Variants in TCF12 observed in about 807,000 individuals in gnomAD.
TCF12 encodes DNA-binding protein HTF4.
In TCF12, 45 loss-of-function variants were observed where a neutral mutation model predicts 86.0. The ratio of observed to expected loss-of-function variants is 0.52; its 90% CI spans 0.41 to 0.67. TCF12 has a LOEUF of 0.67. Among genes scored for constraint, TCF12 ranks in the 30% least tolerant of loss-of-function variants. TCF12 has a pLI of 0.00. For synonymous variants in TCF12, 330 were observed against 299.6 expected, an observed-to-expected ratio of 1.10 and a Z score of -1.05; for missense variants, 881 against 859.9, an observed-to-expected ratio of 1.02 and a Z score of -0.31.
chr15:57,247,326 CAG>C, intron 13 of TCF12: 1 of 655,240 alleles, frequency 1.5e-6, no homozygotes, highest in South Asian at 1.6e-5. Context: ...CCTCTTCCAT[CAG>C]AGTTTCCACC....
At chr15:57,266,976 C>T (rs1175736534) in intron 18 of TCF12, among the ~76,000 whole-genome samples, 1 of 152,168 alleles carries the variant, frequency 6.6e-6, no homozygotes, top group African/African-American at 2.4e-5. Context: ...CTATAGTGAG[C>T]CATGATCATG....
chr15:57,180,366 A>G (rs2056249620), intron 6 of TCF12, among the ~76,000 whole-genome samples: 1 of 152,184 alleles, frequency 6.6e-6, no homozygotes, highest in South Asian at 2.1e-4. Context: ...TAGAACAACA[A>G]CTGCAAATAT....
chr15:57,271,585 G>A (rs767863205), intron 18 of TCF12, among the ~76,000 whole-genome samples: 3 of 152,080 alleles, frequency 2.0e-5, no homozygotes, highest in Non-Finnish European at 2.9e-5. Flanking sequence ...CTCACCCTCC[G>A]TGGGCTGCAC....
chr15:57,192,042 G>A (rs2057007547), intron 6 of TCF12, 116 bp from the exon 7 acceptor site: 1 of 1,150,340 alleles, frequency 8.7e-7, no homozygotes, highest in Non-Finnish European at 1.2e-6. Context: ...TACTTAATGG[G>A]TGCGTTCTAA....
intron 3 of TCF12, among the ~76,000 whole-genome samples, chr15:57,022,575 T>C (rs1451811963): frequency 6.6e-6 from 1 of 152,238 alleles, no homozygotes; most frequent in African/African-American, 2.4e-5. Context: ...CCTTTGGGTA[T>C]ATACCCAGTA....
At chr15:57,231,685 A>T (rs1037956) in intron 9 of TCF12, among the ~76,000 whole-genome samples, 59,696 of 152,004 alleles carry the variant, frequency 0.39, 14,610 homozygotes, top group Non-Finnish European at 0.54. Context: ...CATTTCCTTT[A>T]ATTCATGTCT....
intron 5 of TCF12, among the ~76,000 whole-genome samples, chr15:57,112,459 C>G (rs1257031391): frequency 6.6e-6 from 1 of 152,084 alleles, no homozygotes; most frequent in Non-Finnish European, 1.5e-5. Flanking sequence ...TGTGCCTGGC[C>G]CAGCTGCAAC....
chr15:57,261,265 A>G (rs887268196), intron 16 of TCF12, among the ~76,000 whole-genome samples: 1 of 152,190 alleles, frequency 6.6e-6, no homozygotes, highest in Non-Finnish European at 1.5e-5. Context: ...CAAACATTTC[A>G]TGGAAAGTGT....
intron 3 of TCF12, among the ~76,000 whole-genome samples, chr15:57,059,795 C>T (rs1396962626): frequency 9.5e-6 from 1 of 105,184 alleles, no homozygotes; most frequent in Admixed American, 1.0e-4. Context: ...AAAAGCATCT[C>T]CTCCCACCAA....
intron 8 of TCF12, among the ~76,000 whole-genome samples, chr15:57,214,974 A>G (rs1401572323): frequency 6.6e-6 from 1 of 152,188 alleles, no homozygotes; most frequent in African/African-American, 2.4e-5. Context: ...CAATAACACT[A>G]TTAACTTTAA....
In TCF12 at chr15:57,032,773, G is replaced by C. The variant is rs866719955; in HGVS notation, c.149-30977G>C. ...CCTTAGTTTTATAGCACATTATTCAGAATGTCAAGGATATAATCCAAAGTT... is the reference window on the plus strand; with the variant it reads ...CCTTAGTTTTATAGCACATTATTCACAATGTCAAGGATATAATCCAAAGTT... On this transcript the variant is annotated intron_variant, in intron 3 of 20. Transcript: ENST00000333725. Among the ~76,000 whole-genome samples, 3 of 152,136 alleles carry C rather than the reference G, an allele frequency of 2.0e-5. No individual in the cohort carries two copies. In the South Asian group the frequency reaches 6.2e-4, roughly 31 times the overall value.
At chr15:57,074,486 C>A (rs1180137664) in intron 4 of TCF12, among the ~76,000 whole-genome samples, 2 of 151,822 alleles carry the variant, frequency 1.3e-5, no homozygotes, top group African/African-American at 2.4e-5. Context: ...TTTTTAAATG[C>A]CCAACAAGAA....
chr15:57,061,260 C>A (rs1238621518), intron 3 of TCF12, among the ~76,000 whole-genome samples: 1 of 152,060 alleles, frequency 6.6e-6, no homozygotes, highest in Non-Finnish European at 1.5e-5. Flanking sequence ...GTAACTGGCA[C>A]CCATCTTTCC....
At chr15:57,026,626 G>A (rs1012597712) in intron 3 of TCF12, among the ~76,000 whole-genome samples, 7 of 151,930 alleles carry the variant, frequency 4.6e-5, no homozygotes, top group Admixed American at 3.9e-4. Flanking sequence ...GTATGACTCT[G>A]CTTATTTTTT....
rs578260967 is a variant in TCF12 at position 57,037,223 on chromosome 15, C to T, written c.149-26527C>T. On this transcript the variant is annotated intron_variant, in intron 3 of 20. Coordinates refer to ENST00000333725, the MANE Select transcript of TCF12 (RefSeq NM_207037.2). ...CAGCACTTTGGGAGGCCAAGGCGAGCGGATCACCTGAGGTCAGGAGTTCGA... is the reference window on the plus strand; with the variant it reads ...CAGCACTTTGGGAGGCCAAGGCGAGTGGATCACCTGAGGTCAGGAGTTCGA... Among the ~76,000 whole-genome samples the T allele has an allele frequency of 1.3e-3, 195 of 152,108 alleles. 3 individuals are homozygous for T. Among genetic ancestry groups the T allele is most frequent in the East Asian group, 9.7e-4 (5 of 5,166 alleles).
chr15:56,943,266 T>G (rs899735374), intron 3 of TCF12, among the ~76,000 whole-genome samples: 4 of 152,230 alleles, frequency 2.6e-5, no homozygotes, highest in Admixed American at 2.0e-4. Flanking sequence ...TAGTAGGATC[T>G]GTGATTTTCT....
intron 3 of TCF12, among the ~76,000 whole-genome samples, chr15:56,987,764 G>A (rs941898407): frequency 6.6e-6 from 1 of 152,178 alleles, no homozygotes; most frequent in Non-Finnish European, 1.5e-5. Context: ...GTAGACTGAT[G>A]TGTGGTATTC....
At chr15:57,163,734 T>C (rs1446152712) in intron 5 of TCF12, among the ~76,000 whole-genome samples, 5 of 152,120 alleles carry the variant, frequency 3.3e-5, no homozygotes, top group African/African-American at 1.2e-4. Flanking sequence ...TCAATAAAAC[T>C]AGTTACTACA....
chr15:57,251,315 A>C (rs2060106921), intron 13 of TCF12, 35 bp from the exon 14 acceptor site: 1 of 1,577,966 alleles, frequency 6.3e-7, no homozygotes, highest in African/African-American at 1.3e-5. Context: ...TCACTGAGTT[A>C]ACCCAGGTGT....
Sources: gnomAD v4.1 joint callset for allele counts (sites outside exome capture counted in the v4.1 genomes callset) on GRCh38, gnomAD v4.1.1 for gene constraint, MANE v1.5 for transcripts, NCBI Gene and HGNC (gene_info 2026-07-23, HGNC 2026-07-21) for gene names.